SGCZ: variants seen among roughly 807,000 people sequenced by gnomAD.
The protein encoded by SGCZ is sarcoglycan zeta, also known as zeta-sarcoglycan.
Under a neutral mutation model 41.3 loss-of-function variants are expected in SGCZ, and 40 were observed. The observed-to-expected ratio is 0.97, with a 90% CI of 0.75 to 1.26. The LOEUF (loss-of-function observed/expected upper bound fraction) is 1.26, where lower values mean the gene tolerates loss of function less well. SGCZ is among the 50% of genes most tolerant of loss of function. SGCZ has a pLI of 0.00. For missense variants in SGCZ, 552 were observed against 369.8 expected, an observed-to-expected ratio of 1.49 and a Z score of -4.04; for synonymous variants, 206 against 137.5, an observed-to-expected ratio of 1.50 and a Z score of -3.49.
chr8:14,376,601 T>A (rs532251342), intron 2 of SGCZ, among the ~76,000 whole-genome samples: 1 of 152,198 alleles, frequency 6.6e-6, no homozygotes, highest in Non-Finnish European at 1.5e-5. Flanking sequence ...TCAAAAAAGA[T>A]ACTTCCAAAT....
rs144509134 is a variant in SGCZ, at chr8:14,437,582, A to G, written c.235-113378T>C. On this transcript the variant is annotated intron_variant, in intron 2 of 7. Transcript: ENST00000382080. Reference sequence around the variant, plus strand: ...ACTGGGTTTACTATTATTTTTCAACAAAGAAAAATTTTCTGTTTTAATTTT... The same window carrying G: ...ACTGGGTTTACTATTATTTTTCAACGAAGAAAAATTTTCTGTTTTAATTTT... Among the ~76,000 whole-genome samples the G allele has an allele frequency of 2.6e-3, 400 of 152,196 alleles. 2 individuals carry two copies. The highest frequency in any genetic ancestry group is 8.5e-3 in the African/African-American group (355 of 41,578).
chr8:15,092,342 G>A (rs565232488), intron 1 of SGCZ, among the ~76,000 whole-genome samples: 125 of 152,136 alleles, frequency 8.2e-4, no homozygotes, highest in Non-Finnish European at 1.3e-3. Flanking sequence ...ATTAATATGG[G>A]ATACAGAAAA....
Position 14,180,643 on chromosome 8 carries a change from G to T in SGCZ, c.425-15941C>A, listed in dbSNP as rs66915985. On this transcript the variant is annotated intron_variant, in intron 4 of 7. Coordinates refer to ENST00000382080, the MANE Select transcript of SGCZ (RefSeq NM_139167.4). ...CCCTGGACTAAGAATCTCCCTAAAGGGATACAAACTTAAAATAAGTCACCT... is the reference window on the plus strand; with the variant it reads ...CCCTGGACTAAGAATCTCCCTAAAGTGATACAAACTTAAAATAAGTCACCT... 3.4e-4 allele frequency among the ~76,000 whole-genome samples: 52 copies of T among 151,904 alleles called. No individual in the cohort carries two copies. The East Asian group carries it at 9.7e-3, about 28-fold the overall frequency.
intron 1 of SGCZ, among the ~76,000 whole-genome samples, chr8:14,975,608 T>C (rs925544903): frequency 1.3e-5 from 2 of 152,228 alleles, no homozygotes; most frequent in South Asian, 2.1e-4. Flanking sequence ...AGATATTATA[T>C]GGCATATGTG....
intron 2 of SGCZ, among the ~76,000 whole-genome samples, chr8:14,516,255 G>T (rs991459384): frequency 1.3e-5 from 2 of 151,714 alleles, no homozygotes; most frequent in Non-Finnish European, 1.5e-5. Context: ...GCTATTAATC[G>T]CAGTACTCAG....
chr8:14,514,008 A>C (rs1425087679), intron 2 of SGCZ, among the ~76,000 whole-genome samples: 1 of 152,148 alleles, frequency 6.6e-6, no homozygotes, highest in African/African-American at 2.4e-5. Flanking sequence ...TCAGGGGTTT[A>C]CAGCTTAAAT....
At chr8:14,136,014 A>G (rs1208234258) in intron 5 of SGCZ, among the ~76,000 whole-genome samples, 1 of 152,214 alleles carries the variant, frequency 6.6e-6, no homozygotes, top group Non-Finnish European at 1.5e-5. Context: ...AGACCAAAAA[A>G]ATAGTATAAA....
intron 1 of SGCZ, among the ~76,000 whole-genome samples, chr8:15,172,160 T>TTTTTTATTTATTTA (rs1554471128): frequency 2.2e-4 from 23 of 105,016 alleles, no homozygotes; most frequent in Middle Eastern, 4.7e-3. Context: ...CTCTGTTTTT[T>TTTTTTATTTATTTA]TTTTTTTTTT....
At chr8:15,082,230 A>G (rs919645420) in intron 1 of SGCZ, among the ~76,000 whole-genome samples, 1 of 151,730 alleles carries the variant, frequency 6.6e-6, no homozygotes, top group African/African-American at 2.4e-5. Flanking sequence ...CTCTGTCTCA[A>G]AAAAAAATAA....
At chr8:14,185,881 T>G (rs1804887382) in intron 4 of SGCZ, among the ~76,000 whole-genome samples, 1 of 152,228 alleles carries the variant, frequency 6.6e-6, no homozygotes, top group South Asian at 2.1e-4. Flanking sequence ...TTTAGGTTCA[T>G]GGCTTTAAAT....
intron 1 of SGCZ, among the ~76,000 whole-genome samples, chr8:14,999,963 G>A (rs1319482587): frequency 6.6e-6 from 1 of 152,150 alleles, no homozygotes; most frequent in Middle Eastern, 3.2e-3. Flanking sequence ...GAATGCATAC[G>A]TGGATGCTCA....
chr8:14,177,940 C>CTTCTTTTCTTTTTCT (rs1804598277), intron 4 of SGCZ, among the ~76,000 whole-genome samples: 1 of 91,498 alleles, frequency 1.1e-5, no homozygotes, highest in Non-Finnish European at 2.0e-5. Flanking sequence ...TTCTTTTTTC[C>CTTCTTTTCTTTTTCT]TTCTTTTCTT....
chr8:14,803,565 C>A (rs1801407717), intron 1 of SGCZ, among the ~76,000 whole-genome samples: 1 of 152,182 alleles, frequency 6.6e-6, no homozygotes. Context: ...CCGCACCCGG[C>A]TCAGAGGGTC....
At chr8:14,112,957 A>C (rs1377615509) in intron 5 of SGCZ, among the ~76,000 whole-genome samples, 1 of 152,176 alleles carries the variant, frequency 6.6e-6, no homozygotes. Flanking sequence ...ATTGTATTCC[A>C]TTAAAAAGGA....
At chr8:14,309,650 C>A in intron 3 of SGCZ, 2 of 1,610,646 alleles carry the variant, frequency 1.2e-6, no homozygotes, top group Non-Finnish European at 1.7e-6. Context: ...GCGGCTCCAC[C>A]ACTAAAAATA....
At chr8:14,902,193 T>C (rs1798990908) in intron 1 of SGCZ, among the ~76,000 whole-genome samples, 2 of 152,110 alleles carry the variant, frequency 1.3e-5, no homozygotes, top group Non-Finnish European at 2.9e-5. Context: ...ATTCTGGACC[T>C]CTCGTACCCA....
chr8:14,252,211 T>C (rs1013640330), intron 3 of SGCZ, among the ~76,000 whole-genome samples: 1 of 152,184 alleles, frequency 6.6e-6, no homozygotes, highest in Non-Finnish European at 1.5e-5. Flanking sequence ...TGCTGGCTTA[T>C]GGCTTCATAT....
chr8:14,190,365 G>A (rs1446095493), intron 4 of SGCZ, among the ~76,000 whole-genome samples: 4 of 151,288 alleles, frequency 2.6e-5, no homozygotes, highest in Non-Finnish European at 5.9e-5. Context: ...ATGTATGTAT[G>A]TATGTGTGTG....
chr8:14,698,564 GA>G (rs1213772164), intron 1 of SGCZ, among the ~76,000 whole-genome samples: 1 of 151,828 alleles, frequency 6.6e-6, no homozygotes, highest in African/African-American at 2.4e-5. Flanking sequence ...TGCTTTTCCA[GA>G]AAAATTGTTA....
Sources: gnomAD v4.1 joint callset for allele counts (sites outside exome capture counted in the v4.1 genomes callset) on GRCh38, gnomAD v4.1.1 for gene constraint, MANE v1.5 for transcripts, NCBI Gene and HGNC (gene_info 2026-07-23, HGNC 2026-07-21) for gene names.